The following NR6A1 variants were observed in gnomAD, a reference collection of about 807,000 sequenced individuals.
NR6A1 encodes the protein retinoic acid receptor-related testis-associated receptor.
A neutral mutation model predicts 59.1 loss-of-function variants in NR6A1; 7 were observed. The observed-to-expected ratio is 0.12, with a 90% CI of 0.07 to 0.22. The LOEUF (loss-of-function observed/expected upper bound fraction) is 0.22. Among genes scored for constraint, NR6A1 ranks in the 10% least tolerant of loss-of-function variants. The pLI is 1.00. For synonymous variants in NR6A1, 243 were observed against 236.1 expected (o/e 1.03, Z -0.27); for missense variants, 468 against 611.6 (o/e 0.77, Z 2.48).
At chr9:124,726,992 TTAACAC>T (rs1457916659) in intron 2 of NR6A1, among the ~76,000 whole-genome samples, 3 of 152,206 alleles carry the variant, frequency 2.0e-5, no homozygotes, top group African/African-American at 7.2e-5. Context: ...AGGGCACAGT[TTAACAC>T]TAAGCTCTTT....
At position 124,673,413 on chromosome 9, in the gene NR6A1, C is replaced by T. The variant is rs573644582; in HGVS notation, c.142+59895G>A. On this transcript the variant is annotated intron_variant, in intron 2 of 9. Coordinates refer to ENST00000487099, the MANE Select transcript of NR6A1 (RefSeq NM_033334.4). ...ACAAAAAAACTTCAACACAATACCG[C>T]CATATCTCAGGTGGTAAAGAAAATA... Among the ~76,000 whole-genome samples, 7 of 152,104 alleles carry T rather than the reference C, an allele frequency of 4.6e-5. No individual in the cohort carries two copies. In the East Asian group the frequency reaches 1.4e-3, roughly 29 times the overall value.
chr9:124,663,420 G>A (rs1837507799), intron 2 of NR6A1, among the ~76,000 whole-genome samples: 1 of 152,158 alleles, frequency 6.6e-6, no homozygotes, highest in African/African-American at 2.4e-5. Flanking sequence ...AACAGGGGCT[G>A]GAATCCTGGC....
At position 124,769,250 on chromosome 9, in the gene NR6A1, A is replaced by AT. The variant is rs1190892082; in HGVS notation, c.100+1769dup. ...CCTAGCCATCATACATCATACACAAATTAAAAAAAAAAAAAAAAGAGCTCT... is the reference window on the plus strand; with the variant it reads ...CCTAGCCATCATACATCATACACAAATTTAAAAAAAAAAAAAAAAGAGCTCT... On this transcript the variant is annotated intron_variant, in intron 1 of 9. Coordinates refer to ENST00000487099, the MANE Select transcript of NR6A1 (RefSeq NM_033334.4). 3.3e-5 allele frequency among the ~76,000 whole-genome samples: 3 copies of AT among 91,586 alleles called. No homozygotes were observed. In the Admixed American group the frequency reaches 3.6e-4, roughly 11 times the overall value. 60.1% of individuals were successfully genotyped at this position (91,586 alleles called of 152,430 possible).
intron 2 of NR6A1, among the ~76,000 whole-genome samples, chr9:124,635,761 C>T (rs899429059): frequency 6.6e-6 from 1 of 152,184 alleles, no homozygotes; most frequent in African/African-American, 2.4e-5. Flanking sequence ...GTTATCTACT[C>T]TCCTACTGAA....
At chr9:124,542,693 C>CA (rs1393432714) in intron 4 of NR6A1, among the ~76,000 whole-genome samples, 7 of 152,120 alleles carry the variant, frequency 4.6e-5, no homozygotes, top group Non-Finnish European at 8.8e-5. Flanking sequence ...TGGCTCATAC[C>CA]AGTAACAATA....
chr9:124,737,050 C>T (rs1158469557), intron 1 of NR6A1, among the ~76,000 whole-genome samples: 1 of 152,028 alleles, frequency 6.6e-6, no homozygotes, highest in African/African-American at 2.4e-5. Context: ...GGGATGGAAC[C>T]CTAATATCAC....
intron 2 of NR6A1, among the ~76,000 whole-genome samples, chr9:124,656,933 G>A (rs994901539): frequency 6.6e-6 from 1 of 152,196 alleles, no homozygotes; most frequent in Non-Finnish European, 1.5e-5. Flanking sequence ...CAGGTAGGTA[G>A]AGAATTTCAG....
chr9:124,576,397 C>A (rs138364113), intron 2 of NR6A1, among the ~76,000 whole-genome samples: 2,418 of 152,278 alleles, frequency 0.016, 36 homozygotes, highest in Non-Finnish European at 0.023. Flanking sequence ...AAGCGATTCT[C>A]CTGCCTCAGT....
At chr9:124,642,132 T>A (rs1564214351) in intron 2 of NR6A1, among the ~76,000 whole-genome samples, 1 of 152,160 alleles carries the variant, frequency 6.6e-6, no homozygotes, top group Non-Finnish European at 1.5e-5. Context: ...CACTGCAACC[T>A]CTGCCTCCTG....
At chr9:124,662,719 T>C (rs552744405) in intron 2 of NR6A1, among the ~76,000 whole-genome samples, 1 of 152,326 alleles carries the variant, frequency 6.6e-6, no homozygotes, top group Non-Finnish European at 1.5e-5. Flanking sequence ...AGGAGATTGC[T>C]TTACCAGCCG....
intron 2 of NR6A1, among the ~76,000 whole-genome samples, chr9:124,596,883 G>C (rs1835286764): frequency 6.6e-6 from 1 of 152,246 alleles, no homozygotes; most frequent in Non-Finnish European, 1.5e-5. Flanking sequence ...AAGGTGGAAT[G>C]TCCCCAAGAG....
chr9:124,717,461 A>C (rs908683044), intron 2 of NR6A1, among the ~76,000 whole-genome samples: 1 of 152,258 alleles, frequency 6.6e-6, no homozygotes, highest in African/African-American at 2.4e-5. Flanking sequence ...AACAAGCACG[A>C]AAGAGCACAT....
At chr9:124,634,758 T>A (rs955765970) in intron 2 of NR6A1, among the ~76,000 whole-genome samples, 3 of 151,430 alleles carry the variant, frequency 2.0e-5, no homozygotes, top group Non-Finnish European at 4.4e-5. Context: ...GGAGGCGGAG[T>A]TTGCAATGAG....
intron 2 of NR6A1, among the ~76,000 whole-genome samples, chr9:124,579,738 C>T (rs138403972): frequency 4.1e-4 from 62 of 152,248 alleles, no homozygotes; most frequent in African/African-American, 1.4e-3. Context: ...TAGCCGGGCA[C>T]GGTAGCTCAT....
intron 7 of NR6A1, among the ~76,000 whole-genome samples, chr9:124,533,851 A>G (rs1445144043): frequency 1.5e-4 from 23 of 151,782 alleles, no homozygotes; most frequent in African/African-American, 5.6e-4. Flanking sequence ...GGGTTTCACC[A>G]TGTTAGCCAG....
At chr9:124,709,763 G>A (rs1839224412) in intron 2 of NR6A1, among the ~76,000 whole-genome samples, 4 of 151,896 alleles carry the variant, frequency 2.6e-5, no homozygotes, top group Admixed American at 2.6e-4. Context: ...GTGAAACCCT[G>A]TCTCTACTAA....
chr9:124,686,401 C>T (rs946014800), intron 2 of NR6A1, among the ~76,000 whole-genome samples: 1 of 152,218 alleles, frequency 6.6e-6, no homozygotes, highest in Non-Finnish European at 1.5e-5. Flanking sequence ...CACTACAATA[C>T]AAACCAAGAT....
At chr9:124,642,242 G>T (rs2130903354) in intron 2 of NR6A1, among the ~76,000 whole-genome samples, 2 of 152,282 alleles carry the variant, frequency 1.3e-5, no homozygotes, top group African/African-American at 4.8e-5. Flanking sequence ...TAGAGATGGG[G>T]TTTTGCCATG....
rs1371644179 is a variant in NR6A1 at position 124,768,927 on chromosome 9, G to A, written c.100+2093C>T. Among the ~76,000 whole-genome samples, 3 of 152,162 alleles carry A rather than the reference G, an allele frequency of 2.0e-5. No individual in the cohort carries two copies. In the South Asian group the frequency reaches 6.2e-4, roughly 32 times the overall value. On this transcript the variant is annotated intron_variant, in intron 1 of 9. Coordinates refer to ENST00000487099, the MANE Select transcript of NR6A1 (RefSeq NM_033334.4). ...TATTCACACATAGGAAGGCATCACA[G>A]AAATATACACGCTAATATGGGATAT...
Sources: gnomAD v4.1 joint callset for allele counts (sites outside exome capture counted in the v4.1 genomes callset) on GRCh38, gnomAD v4.1.1 for gene constraint, MANE v1.5 for transcripts, NCBI Gene and HGNC (gene_info 2026-07-23, HGNC 2026-07-21) for gene names.